The following PSMB3 variants were observed in gnomAD, a reference collection of about 807,000 sequenced individuals.
PSMB3 encodes proteasome 20S subunit beta 3.
Under a neutral mutation model 23.3 loss-of-function variants are expected in PSMB3, and 5 were observed. The ratio of observed to expected loss-of-function variants is 0.21; its 90% CI spans 0.11 to 0.45. The LOEUF is 0.45. PSMB3 is among the 20% of genes least tolerant of loss of function. The pLI is 0.99. For synonymous variants in PSMB3, 85 were observed against 99.8 expected, an observed-to-expected ratio of 0.85 and a Z score of 0.88; for missense variants, 192 against 277.9, an observed-to-expected ratio of 0.69 and a Z score of 2.20.
intron 2 of PSMB3, 149 bp downstream of exon 2, chr17:38,753,483 CTTT>C (rs35484180): frequency 1.2e-3 from 761 of 633,964 alleles, no homozygotes; most frequent in East Asian, 2.5e-3. Flanking sequence ...CCTTCCCTTT[CTTT>C]TTTTTTTTTT....
At chr17:38,760,302 A>G in intron 3 of PSMB3, 129 bp from the exon 4 acceptor site, 1 of 949,994 alleles carries the variant, frequency 1.1e-6, no homozygotes, top group South Asian at 1.8e-5. Context: ...GGGAAAGGTG[A>G]TCTTCCTAAA....
At chr17:38,758,624 C>T (rs12452957) in intron 3 of PSMB3, among the ~76,000 whole-genome samples, 12,694 of 152,232 alleles carry the variant, frequency 0.083, 671 homozygotes, top group South Asian at 0.18. Flanking sequence ...AGATTACAAA[C>T]GTCAGCCATC....
intron 3 of PSMB3, 30 bp from the exon 4 acceptor site, chr17:38,760,401 G>T (rs977817883): frequency 1.2e-6 from 2 of 1,609,070 alleles, no homozygotes; most frequent in East Asian, 4.5e-5. Context: ...CTTGAGTTCT[G>T]GTTTCTCTCT....
At chr17:38,759,343 A>G (rs1434674660) in intron 3 of PSMB3, among the ~76,000 whole-genome samples, 1 of 152,166 alleles carries the variant, frequency 6.6e-6, no homozygotes, top group Admixed American at 6.5e-5. Context: ...GCTCATTGTC[A>G]CTGCCCAGCA....
At chr17:38,762,189 A>G in intron 4 of PSMB3, 1 of 539,992 alleles carries the variant, frequency 1.9e-6, no homozygotes, top group Non-Finnish European at 3.3e-6. Flanking sequence ...TTAGTAAAAG[A>G]AATTCAGGGC....
rs35172699 is a variant in PSMB3, at chr17:38,757,034, A to ATTTT, written c.296+1068_296+1071dup. 4.4e-4 allele frequency among the ~76,000 whole-genome samples: 29 copies of ATTTT among 65,696 alleles called. 1 individual carries two copies. The highest frequency in any genetic ancestry group is 1.6e-3 in the Admixed American group (7 of 4,292). The allele number at this position is 65,696 out of a possible 152,430, so 43.1% of individuals were successfully genotyped here. A position where few individuals can be genotyped will look rare whatever the true frequency, so the allele number is the denominator to read the frequency against. On this transcript the variant is annotated intron_variant, in intron 3 of 5. Coordinates refer to ENST00000619426, the MANE Select transcript of PSMB3 (RefSeq NM_002795.4). ...AGGTGTGTGCCATCACACCTGGCTA[A>ATTTT]TTTTTTTTTTTTTTTTTTTTTTTTT... is the stretch of plus-strand genomic sequence containing the variant.
At chr17:38,762,342 G>A (rs978259002) in intron 4 of PSMB3, 69 bp from the exon 5 acceptor site, 3 of 1,315,860 alleles carry the variant, frequency 2.3e-6, no homozygotes, top group African/African-American at 1.5e-5. Flanking sequence ...CTAGAAAAAA[G>A]AGAGTTAAGG....
At chr17:38,753,560 C>T (rs1019313255) in intron 2 of PSMB3, among the ~76,000 whole-genome samples, 1 of 152,068 alleles carries the variant, frequency 6.6e-6, no homozygotes, top group African/African-American at 2.4e-5. Context: ...CTCACTGCAA[C>T]CTCCACCTCC....
In PSMB3 at chr17:38,755,898, G is replaced by C. The variant is rs371564002; in HGVS notation, c.204G>C (p.Lys68Asn). The stretch of plus-strand genomic sequence containing the variant: ...CCTACCTCAGTGCCCAGCGCCTCAA[G>C]TTCCGGCTGAACCTGTATGAGTTGA... ...TDVQTVAQRL[K>N]FRLNLYELKE... is the part of the protein sequence containing the mutation. The change falls in exon 3 of 6, where the codon AAG (lysine) becomes AAC (asparagine). Residue 68 changes from lysine (K) to asparagine (N), a missense_variant. Physicochemically the swap from Lys to Asn is moderately conservative, Grantham distance 94. Transcript: ENST00000619426. The C allele has an allele frequency of 6.8e-6, 11 of 1,613,932 alleles. No individual in the cohort carries two copies. Among genetic ancestry groups the C allele is most frequent in the Non-Finnish European group, 9.3e-6 (11 of 1,180,016 alleles).
At chr17:38,754,364 GGAGGCT>G (rs1908066935) in intron 2 of PSMB3, among the ~76,000 whole-genome samples, 1 of 152,178 alleles carries the variant, frequency 6.6e-6, no homozygotes, top group Non-Finnish European at 1.5e-5. Flanking sequence ...CAGCTACTCG[GGAGGCT>G]GAGGCTGGAG....
At chr17:38,757,985 T>C (rs1388863688) in intron 3 of PSMB3, among the ~76,000 whole-genome samples, 1 of 152,170 alleles carries the variant, frequency 6.6e-6, no homozygotes, top group African/African-American at 2.4e-5. Context: ...TATCTGGGAT[T>C]ATCTGGATAA....
chr17:38,763,774 T>C (rs925646289), intron 5 of PSMB3, among the ~76,000 whole-genome samples: 1 of 152,112 alleles, frequency 6.6e-6, no homozygotes, highest in Non-Finnish European at 1.5e-5. Context: ...AGTGCTGGGA[T>C]TGCAAGCATG....
chr17:38,763,985 G>A, intron 5 of PSMB3, 134 bp from the exon 6 acceptor site: 2 of 897,056 alleles, frequency 2.2e-6, no homozygotes, highest in Non-Finnish European at 3.5e-6. Context: ...GTTACACCTA[G>A]AGGCAGCGGG....
In PSMB3 at chr17:38,757,467, A is replaced by G. The variant is rs189355653; in HGVS notation, c.296+1477A>G. 2.0e-3 allele frequency among the ~76,000 whole-genome samples: 310 copies of G among 151,830 alleles called. 2 individuals are homozygous for G. Among genetic ancestry groups the G allele is most frequent in the Middle Eastern group, 0.014 (4 of 292 alleles). The stretch of plus-strand genomic sequence containing the variant: ...TGGGAGGCAGAGGTTGTAGTGAGCC[A>G]AGATCATGCCACTGTACTCCAGCCT... On this transcript the variant is annotated intron_variant, in intron 3 of 5. Transcript: ENST00000619426.
chr17:38,756,388 C>A (rs1242103270), intron 3 of PSMB3, among the ~76,000 whole-genome samples: 1 of 152,042 alleles, frequency 6.6e-6, no homozygotes, highest in Non-Finnish European at 1.5e-5. Flanking sequence ...AAACAAGGGG[C>A]CTAACTGTAG....
intron 2 of PSMB3, 141 bp downstream of exon 2, chr17:38,753,475 T>G: frequency 4.3e-5 from 34 of 797,828 alleles, no homozygotes; most frequent in Non-Finnish European, 5.3e-5. Flanking sequence ...AAACATGTCC[T>G]TCCCTTTCTT....
chr17:38,763,704 T>C (rs550467668), intron 5 of PSMB3, among the ~76,000 whole-genome samples: 37 of 152,098 alleles, frequency 2.4e-4, no homozygotes, highest in Admixed American at 1.6e-3. Context: ...GGTTTCACCA[T>C]GTTGGTCAGG....
intron 3 of PSMB3, among the ~76,000 whole-genome samples, chr17:38,757,099 C>T (rs1908235401): frequency 7.9e-6 from 1 of 126,950 alleles, no homozygotes; most frequent in Admixed American, 1.0e-4. Flanking sequence ...TCGGGCTGGT[C>T]TTGAACTCCT....
chr17:38,759,025 G>A (rs1171628689), intron 3 of PSMB3, among the ~76,000 whole-genome samples: 1 of 152,124 alleles, frequency 6.6e-6, no homozygotes, highest in Non-Finnish European at 1.5e-5. Context: ...CAGCCTGGGC[G>A]ACAGAGCAAG....
Sources: allele counts gnomAD v4.1 joint callset (sites outside exome capture counted in the v4.1 genomes callset), GRCh38; gene constraint gnomAD v4.1.1; transcripts MANE v1.5; gene names NCBI Gene and HGNC (gene_info 2026-07-23, HGNC 2026-07-21).